Variants in HS3ST2 observed in about 807,000 individuals in gnomAD.
The protein encoded by HS3ST2 is heparan sulfate-glucosamine 3-sulfotransferase 2, also known as heparan sulfate glucosamine 3-O-sulfotransferase 2.
A neutral mutation model predicts 26.3 loss-of-function variants in HS3ST2; 17 were observed. That is an observed-to-expected ratio of 0.65 (90% confidence interval 0.44 to 0.97). HS3ST2 has a LOEUF of 0.97. HS3ST2 is among the 50% of genes least tolerant of loss of function. HS3ST2 has a pLI of 0.00. For missense variants in HS3ST2, 402 were observed against 501.2 expected, an observed-to-expected ratio of 0.80 and a Z score of 1.89; for synonymous variants, 237 against 219.2, an observed-to-expected ratio of 1.08 and a Z score of -0.72.
intron 1 of HS3ST2, among the ~76,000 whole-genome samples, chr16:22,871,516 A>G (rs548349987): frequency 1.3e-5 from 2 of 152,272 alleles, no homozygotes; most frequent in South Asian, 2.1e-4. Flanking sequence ...GATATTTTCA[A>G]CTTGTGGTGG....
At chr16:22,906,918 C>G (rs1018031146) in intron 1 of HS3ST2, among the ~76,000 whole-genome samples, 1 of 152,102 alleles carries the variant, frequency 6.6e-6, no homozygotes, top group Admixed American at 6.6e-5. Context: ...GAACAAGAAA[C>G]GTGCAAGTTG....
At chr16:22,912,535 G>C (rs962120487) in intron 1 of HS3ST2, among the ~76,000 whole-genome samples, 5 of 152,224 alleles carry the variant, frequency 3.3e-5, no homozygotes, top group African/African-American at 1.2e-4. Flanking sequence ...TCAAGGGCAA[G>C]CCGGTGTTGT....
intron 1 of HS3ST2, among the ~76,000 whole-genome samples, chr16:22,892,579 A>G (rs1902145793): frequency 2.0e-5 from 3 of 152,182 alleles, no homozygotes. Context: ...TATTAGTATT[A>G]TGTTACACTT....
chr16:22,844,157 T>A (rs1156385447), intron 1 of HS3ST2, among the ~76,000 whole-genome samples: 7 of 152,174 alleles, frequency 4.6e-5, no homozygotes, highest in African/African-American at 1.7e-4. Context: ...TCATTTTTTA[T>A]TTTTTTGCCA....
At chr16:22,843,250 G>A (rs1901384069) in intron 1 of HS3ST2, among the ~76,000 whole-genome samples, 1 of 152,044 alleles carries the variant, frequency 6.6e-6, no homozygotes, top group African/African-American at 2.4e-5. Flanking sequence ...TGCTTCTGCT[G>A]TACTAGGACA....
In HS3ST2 at chr16:22,867,472, C is replaced by T. The variant is rs1901772871; in HGVS notation, c.486-47472C>T. Among the ~76,000 whole-genome samples the T allele has an allele frequency of 2.0e-5, 3 of 152,248 alleles. No homozygotes were observed. The South Asian group carries it at 6.2e-4, about 32-fold the overall frequency. The stretch of plus-strand genomic sequence containing the variant: ...TAATGTGATATGCAACATATAAAGT[C>T]GAGGTGTAGATATCCTGAACTTGTA... On this transcript the variant is annotated intron_variant, in intron 1 of 1. Transcript: ENST00000261374.
chr16:22,912,495 G>A (rs887266041), intron 1 of HS3ST2, among the ~76,000 whole-genome samples: 8 of 152,146 alleles, frequency 5.3e-5, no homozygotes, highest in African/African-American at 1.9e-4. Flanking sequence ...GCGAGCCTTG[G>A]GGAGTTCTTG....
At chr16:22,891,446 T>C (rs1452644693) in intron 1 of HS3ST2, among the ~76,000 whole-genome samples, 2 of 150,938 alleles carry the variant, frequency 1.3e-5, no homozygotes, top group Admixed American at 1.3e-4. Context: ...GAAACAGAAA[T>C]TCAGACTTTT....
At chr16:22,863,779 C>T (rs965801850) in intron 1 of HS3ST2, among the ~76,000 whole-genome samples, 14 of 152,174 alleles carry the variant, frequency 9.2e-5, no homozygotes, top group Admixed American at 1.3e-4. Flanking sequence ...TTCTGGCTCT[C>T]TTAGCATAAC....
intron 1 of HS3ST2, among the ~76,000 whole-genome samples, chr16:22,878,372 C>T (rs1901946657): frequency 3.3e-5 from 5 of 152,108 alleles, no homozygotes; most frequent in East Asian, 1.9e-4. Flanking sequence ...CACTGTTGCC[C>T]GCTGAAGGCT....
At chr16:22,894,396 T>G (rs1474644660) in intron 1 of HS3ST2, among the ~76,000 whole-genome samples, 1 of 152,192 alleles carries the variant, frequency 6.6e-6, no homozygotes, top group Non-Finnish European at 1.5e-5. Flanking sequence ...GCTCTGTGGA[T>G]GTAGCTCCTC....
chr16:22,865,894 A>G (rs1567491561), intron 1 of HS3ST2, among the ~76,000 whole-genome samples: 1 of 152,212 alleles, frequency 6.6e-6, no homozygotes, highest in Non-Finnish European at 1.5e-5. Flanking sequence ...GCCTCATAAT[A>G]TAATTAAAGC....
chr16:22,816,781 A>T (rs886446785), intron 1 of HS3ST2, among the ~76,000 whole-genome samples: 2 of 152,242 alleles, frequency 1.3e-5, no homozygotes, highest in African/African-American at 4.8e-5. Flanking sequence ...AGCCATGACC[A>T]CATTCGAATG....
At chr16:22,912,853 GC>G (rs932346119) in intron 1 of HS3ST2, among the ~76,000 whole-genome samples, 5 of 152,018 alleles carry the variant, frequency 3.3e-5, no homozygotes, top group African/African-American at 1.2e-4. Flanking sequence ...ACACAGGTGG[GC>G]GTGTCTTGTG....
chr16:22,889,507 TCA>T (rs1245468447), intron 1 of HS3ST2, among the ~76,000 whole-genome samples: 1 of 152,180 alleles, frequency 6.6e-6, no homozygotes, highest in East Asian at 1.9e-4. Flanking sequence ...AAGGAAATGC[TCA>T]CTAGAGCATT....
chr16:22,845,267 T>A (rs990354302), intron 1 of HS3ST2, among the ~76,000 whole-genome samples: 2 of 148,258 alleles, frequency 1.3e-5, no homozygotes, highest in African/African-American at 2.6e-5. Flanking sequence ...TGTAGACTAC[T>A]GTAGCATCAT....
intron 1 of HS3ST2, among the ~76,000 whole-genome samples, chr16:22,863,975 A>G (rs208570): frequency 0.93 from 141,946 of 152,316 alleles, 66,241 homozygotes; most frequent in East Asian, 0.99. Flanking sequence ...AAATGTATAG[A>G]ATGAACATTC....
intron 1 of HS3ST2, among the ~76,000 whole-genome samples, chr16:22,903,644 C>T (rs537781471): frequency 1.1e-4 from 17 of 152,302 alleles, no homozygotes; most frequent in African/African-American, 4.1e-4. Context: ...ACCTACTATA[C>T]ACCAGGGGTA....
intron 1 of HS3ST2, among the ~76,000 whole-genome samples, chr16:22,895,580 C>T (rs1416616133): frequency 6.6e-6 from 1 of 151,938 alleles, no homozygotes; most frequent in African/African-American, 2.4e-5. Context: ...CTGGGGTGGT[C>T]GTATGAACAC....
Sources: allele counts gnomAD v4.1 joint callset (sites outside exome capture counted in the v4.1 genomes callset), GRCh38; gene constraint gnomAD v4.1.1; transcripts MANE v1.5; gene names NCBI Gene and HGNC (gene_info 2026-07-23, HGNC 2026-07-21).